Variants in FBXO16 observed in about 807,000 individuals in gnomAD.
FBXO16 encodes the protein F-box protein 16.
Under a neutral mutation model 41.0 loss-of-function variants are expected in FBXO16, and 31 were observed. The ratio of observed to expected loss-of-function variants is 0.76; its 90% confidence interval spans 0.57 to 1.02. FBXO16 has a LOEUF of 1.02. Among genes scored for constraint, FBXO16 ranks in the 50% least tolerant of loss-of-function variants. The probability of loss-of-function intolerance (pLI) is 0.00; values close to 1 mark genes in which losing one functional copy is unlikely to be tolerated. For missense variants in FBXO16, 361 were observed against 346.2 expected, an observed-to-expected ratio of 1.04 and a Z score of -0.34; for synonymous variants, 133 against 117.8, an observed-to-expected ratio of 1.13 and a Z score of -0.84.
chr8:28,488,701 A>G (rs1455511804), intron 1 of FBXO16, among the ~76,000 whole-genome samples: 1 of 152,144 alleles, frequency 6.6e-6, no homozygotes, highest in African/African-American at 2.4e-5. Flanking sequence ...GCTTTAATGG[A>G]GCTCACAGTC....
intron 1 of FBXO16, among the ~76,000 whole-genome samples, chr8:28,486,284 G>A (rs1054719497): frequency 2.0e-5 from 3 of 149,892 alleles, no homozygotes; most frequent in Admixed American, 6.6e-5. Flanking sequence ...GAGTGCAATG[G>A]TGCGATCTTG....
intron 7 of FBXO16, among the ~76,000 whole-genome samples, chr8:28,430,325 C>T (rs183090822): frequency 2.0e-5 from 3 of 152,166 alleles, no homozygotes; most frequent in East Asian, 3.9e-4. Flanking sequence ...GCAATCCTCC[C>T]GCTTTGGCCT....
chr8:28,468,745 G>A (rs555930297), intron 3 of FBXO16, among the ~76,000 whole-genome samples: 1 of 152,046 alleles, frequency 6.6e-6, no homozygotes, highest in East Asian at 1.9e-4. Flanking sequence ...CTACCGGGGA[G>A]GCTGAGGTGG....
chr8:28,467,121 T>G (rs1803256776), intron 3 of FBXO16, among the ~76,000 whole-genome samples: 1 of 152,076 alleles, frequency 6.6e-6, no homozygotes, highest in Non-Finnish European at 1.5e-5. Flanking sequence ...AAAATTACTT[T>G]TGGGCAGTGC....
intron 3 of FBXO16, among the ~76,000 whole-genome samples, chr8:28,473,569 T>C (rs1803370753): frequency 1.3e-5 from 2 of 152,186 alleles, no homozygotes; most frequent in South Asian, 4.1e-4. Flanking sequence ...CAGCAGACAC[T>C]GAATCTGCCA....
chr8:28,428,454 C>T lies in FBXO16; in HGVS notation c.*273G>A, dbSNP rs1446426057. On this transcript the variant is annotated 3_prime_UTR_variant, in exon 9 of 9. Coordinates refer to ENST00000380254, the MANE Select transcript of FBXO16 (RefSeq NM_172366.4). ...TACTGAAATACCGTAGGACTCACTACCACAATAAGTACTTAAGCTGAAAGA... is the reference window on the plus strand; with the variant it reads ...TACTGAAATACCGTAGGACTCACTATCACAATAAGTACTTAAGCTGAAAGA... 7 of 1,085,172 alleles carry T rather than the reference C, an allele frequency of 6.5e-6. No homozygotes were observed. The Admixed American group carries it at 1.2e-4, about 19-fold the overall frequency. The allele number at this position is 1,085,172 out of a possible 1,614,324, so 67.2% of individuals were successfully genotyped here. A position where few individuals can be genotyped will look rare whatever the true frequency, so the allele number is the denominator to read the frequency against.
intron 7 of FBXO16, among the ~76,000 whole-genome samples, chr8:28,441,997 G>A (rs377707284): frequency 1.7e-4 from 24 of 143,606 alleles, no homozygotes; most frequent in African/African-American, 5.6e-4. Flanking sequence ...AGGCTGGAGT[G>A]CAGTGGCGCG....
intron 3 of FBXO16, 76 bp from the exon 4 acceptor site, chr8:28,463,894 T>C: frequency 7.5e-7 from 1 of 1,337,980 alleles, no homozygotes; most frequent in East Asian, 2.3e-5. Flanking sequence ...GAGTAAGACA[T>C]GACAATGGCA....
intron 3 of FBXO16, among the ~76,000 whole-genome samples, chr8:28,472,723 C>G (rs1213632003): frequency 2.0e-5 from 3 of 152,082 alleles, no homozygotes; most frequent in African/African-American, 7.2e-5. Flanking sequence ...CCAGCCTGGG[C>G]AACAAGAGCA....
intron 4 of FBXO16, among the ~76,000 whole-genome samples, chr8:28,459,386 G>C (rs1803087309): frequency 6.6e-6 from 1 of 152,064 alleles, no homozygotes; most frequent in African/African-American, 2.4e-5. Context: ...GAGAGGCCAA[G>C]GCGAGTGGAT....
At chr8:28,433,068 A>G (rs58832167) in intron 7 of FBXO16, among the ~76,000 whole-genome samples, 1 of 137,466 alleles carries the variant, frequency 7.3e-6, no homozygotes, top group African/African-American at 3.2e-5. Context: ...CCAAAAAAAA[A>G]AAAAACAAAC....
In FBXO16 at chr8:28,456,931, C is replaced by T; in HGVS notation, c.343-1G>A. On this transcript the variant is annotated splice_acceptor_variant, in intron 4 of 8. Coordinates refer to ENST00000380254, the MANE Select transcript of FBXO16 (RefSeq NM_172366.4). LOFTEE classifies it high-confidence loss of function. ...CAAGGTTCTTCCAATGCCAGCACAC[C>T]TGGAAAAACAATTACAATTAAACAA... The T allele has an allele frequency of 6.2e-7, 1 of 1,611,000 alleles. No individual in the cohort carries two copies. Among genetic ancestry groups the T allele is most frequent in the South Asian group, 1.1e-5 (1 of 90,422 alleles).
intron 4 of FBXO16, among the ~76,000 whole-genome samples, chr8:28,459,153 T>C (rs765519091): frequency 7.2e-5 from 11 of 152,236 alleles, no homozygotes; most frequent in Non-Finnish European, 1.2e-4. Flanking sequence ...ACCCCGTAAA[T>C]CAGAGATGAC....
intron 7 of FBXO16, among the ~76,000 whole-genome samples, chr8:28,433,526 A>C (rs1802641903): frequency 6.6e-6 from 1 of 152,136 alleles, no homozygotes; most frequent in South Asian, 2.1e-4. Flanking sequence ...ATGAACCTTA[A>C]TACAACTGCC....
chr8:28,465,428 G>T (rs1456312330), intron 3 of FBXO16: 1 of 449,972 alleles, frequency 2.2e-6, no homozygotes, highest in Admixed American at 2.4e-5. Flanking sequence ...TTTGAAACCA[G>T]CCCGAGCAAC....
chr8:28,429,551 G>A lies in FBXO16; in HGVS notation c.844-148C>T. ...GTGCAAGGAGAGACCTAAGAGGATT[G>A]GGCTGAACACAGATATCGTAGCCTC... On this transcript the variant is annotated intron_variant, in intron 7 of 8. Transcript: ENST00000380254. 3.6e-6 allele frequency: 3 copies of A among 831,138 alleles called. No homozygotes were observed. In the South Asian group the frequency reaches 4.6e-5, roughly 13 times the overall value. 51.5% of individuals were successfully genotyped at this position (831,138 alleles called of 1,614,324 possible). A position where few individuals can be genotyped will look rare whatever the true frequency, so the allele number is the denominator to read the frequency against.
At chr8:28,445,403 G>C (rs527733417) in intron 7 of FBXO16, among the ~76,000 whole-genome samples, 1 of 152,134 alleles carries the variant, frequency 6.6e-6, no homozygotes, top group East Asian at 1.9e-4. Context: ...TTGTGTTTTC[G>C]AAGCAGGAGA....
intron 4 of FBXO16, among the ~76,000 whole-genome samples, chr8:28,462,046 C>G (rs1053435502): frequency 3.3e-5 from 5 of 151,760 alleles, no homozygotes; most frequent in African/African-American, 4.8e-5. Flanking sequence ...TTCAAGTAAT[C>G]CTCCCACTTC....
At chr8:28,459,420 C>T (rs879552360) in intron 4 of FBXO16, among the ~76,000 whole-genome samples, 1 of 151,916 alleles carries the variant, frequency 6.6e-6, no homozygotes, top group Admixed American at 6.6e-5. Context: ...GAGTTCCAGA[C>T]CTGTCTGGCC....
Sources: gnomAD v4.1 joint callset for allele counts (sites outside exome capture counted in the v4.1 genomes callset) on GRCh38, gnomAD v4.1.1 for gene constraint, MANE v1.5 for transcripts, NCBI Gene and HGNC (gene_info 2026-07-23, HGNC 2026-07-21) for gene names.